Variants in SLC35F3 observed in about 807,000 individuals in gnomAD.
The protein encoded by SLC35F3 is putative thiamine transporter SLC35F3.
Under a neutral mutation model 49.9 loss-of-function variants are expected in SLC35F3, and 25 were observed. That is an observed-to-expected ratio of 0.50 (90% CI 0.37 to 0.70). The LOEUF is 0.70. Ranked by LOEUF, SLC35F3 falls within the 30% of genes least tolerant of loss-of-function variation. SLC35F3 has a pLI of 0.00. For synonymous variants in SLC35F3, 275 were observed against 265.4 expected, an observed-to-expected ratio of 1.04 and a Z score of -0.35; for missense variants, 525 against 639.8, an observed-to-expected ratio of 0.82 and a Z score of 1.94.
intron 3 of SLC35F3, among the ~76,000 whole-genome samples, chr1:234,264,600 G>A (rs1301534587): frequency 6.6e-6 from 1 of 152,160 alleles, no homozygotes; most frequent in African/African-American, 2.4e-5. Context: ...ATGCTGGAGT[G>A]GAGTGGCATG....
At chr1:234,299,534 G>A (rs1017882866) in intron 3 of SLC35F3, among the ~76,000 whole-genome samples, 1 of 152,122 alleles carries the variant, frequency 6.6e-6, no homozygotes, top group African/African-American at 2.4e-5. Flanking sequence ...GGCCAGGCGT[G>A]GTGGCTCACA....
chr1:233,993,251 G>A (rs1390564097), intron 2 of SLC35F3, among the ~76,000 whole-genome samples: 2 of 152,148 alleles, frequency 1.3e-5, no homozygotes, highest in East Asian at 3.9e-4. Flanking sequence ...ACAGATGTGA[G>A]CCACCGTGAC....
chr1:234,115,275 C>A (rs1665469447), intron 2 of SLC35F3, among the ~76,000 whole-genome samples: 1 of 152,150 alleles, frequency 6.6e-6, no homozygotes, highest in Non-Finnish European at 1.5e-5. Context: ...AATATTGCTG[C>A]CCCTTTTACT....
chr1:234,119,637 C>T (rs900000809), intron 2 of SLC35F3, among the ~76,000 whole-genome samples: 1 of 152,074 alleles, frequency 6.6e-6, no homozygotes, highest in African/African-American at 2.4e-5. Context: ...GATAATTGCT[C>T]CCATGCATCC....
intron 2 of SLC35F3, among the ~76,000 whole-genome samples, chr1:233,924,337 A>G (rs1473427319): frequency 1.3e-5 from 2 of 152,198 alleles, no homozygotes; most frequent in African/African-American, 2.4e-5. Flanking sequence ...TTATTGGTCT[A>G]TTCAGGGATT....
chr1:234,293,356 G>A lies in SLC35F3; in HGVS notation c.609-15745G>A, dbSNP rs151331646. On this transcript the variant is annotated intron_variant, in intron 3 of 7. Coordinates refer to ENST00000366618, the MANE Select transcript of SLC35F3 (RefSeq NM_173508.4). The stretch of plus-strand genomic sequence containing the variant: ...TCTAGGAGGCGAGGAACTGAGAGCC[G>A]GAGCTCAGCTGTACCCAGGAGCTTT... Among the ~76,000 whole-genome samples, 362 of 152,316 alleles carry A rather than the reference G, an allele frequency of 2.4e-3. 1 individual carries two copies. The highest frequency in any genetic ancestry group is 0.017 in the Middle Eastern group (5 of 294).
intron 3 of SLC35F3, among the ~76,000 whole-genome samples, chr1:234,291,591 C>T (rs1225954323): frequency 6.6e-6 from 1 of 152,114 alleles, no homozygotes; most frequent in Non-Finnish European, 1.5e-5. Context: ...CACGTACCAC[C>T]ACAAGTGGCT....
intron 3 of SLC35F3, among the ~76,000 whole-genome samples, chr1:234,290,828 A>AG (rs1668495565): frequency 6.6e-6 from 1 of 152,208 alleles, no homozygotes; most frequent in African/African-American, 2.4e-5. Flanking sequence ...AAAGAACCTG[A>AG]GGGTTCTTTC....
At chr1:234,205,440 AAC>A (rs1666955493) in intron 2 of SLC35F3, among the ~76,000 whole-genome samples, 2 of 152,238 alleles carry the variant, frequency 1.3e-5, no homozygotes, top group South Asian at 2.1e-4. Context: ...CAGCCTGGGC[AAC>A]AGAGTGAGAC....
chr1:234,093,051 TAG>T (rs1665066698), intron 2 of SLC35F3, among the ~76,000 whole-genome samples: 1 of 152,234 alleles, frequency 6.6e-6, no homozygotes, highest in Admixed American at 6.5e-5. Flanking sequence ...CTTTGCCACA[TAG>T]AGTGTCTGGA....
At chr1:234,256,617 A>C (rs556576254) in intron 3 of SLC35F3, among the ~76,000 whole-genome samples, 2 of 152,282 alleles carry the variant, frequency 1.3e-5, no homozygotes, top group South Asian at 4.2e-4. Flanking sequence ...TCTATGAATG[A>C]TGTGCATGAG....
At chr1:234,098,666 G>A (rs943340284) in intron 2 of SLC35F3, among the ~76,000 whole-genome samples, 16 of 149,354 alleles carry the variant, frequency 1.1e-4, no homozygotes, top group Non-Finnish European at 2.2e-4. Context: ...TGGTAGTGAC[G>A]GTGTTATAGG....
rs557465254 is a variant in SLC35F3, at chr1:234,132,370, A to G, written c.284-99047A>G. On this transcript the variant is annotated intron_variant, in intron 2 of 7. Coordinates refer to ENST00000366618, the MANE Select transcript of SLC35F3 (RefSeq NM_173508.4). The stretch of plus-strand genomic sequence containing the variant: ...CAATGTACAATAAGCACTAGTATAC[A>G]TCCATAATTAGTTTCCTAAGATAAT... Among the ~76,000 whole-genome samples, 165 of 152,346 alleles carry G rather than the reference A, an allele frequency of 1.1e-3. 1 individual carries two copies. In the South Asian group the frequency reaches 0.016, roughly 14 times the overall value.
chr1:234,197,239 C>A (rs1002779974), intron 2 of SLC35F3, among the ~76,000 whole-genome samples: 1 of 152,106 alleles, frequency 6.6e-6, no homozygotes, highest in Non-Finnish European at 1.5e-5. Context: ...AGACAGGGAC[C>A]CTATCATGAG....
At chr1:233,999,765 A>G (rs751348917) in intron 2 of SLC35F3, among the ~76,000 whole-genome samples, 9 of 152,078 alleles carry the variant, frequency 5.9e-5, no homozygotes, top group Non-Finnish European at 1.0e-4. Flanking sequence ...GCTACCTTAC[A>G]GTGTATTTAT....
At chr1:234,191,210 T>A (rs1297213070) in intron 2 of SLC35F3, among the ~76,000 whole-genome samples, 1 of 152,116 alleles carries the variant, frequency 6.6e-6, no homozygotes, top group Non-Finnish European at 1.5e-5. Context: ...AAAACAAGTC[T>A]CAATAAATTT....
At chr1:234,268,583 T>G (rs567370742) in intron 3 of SLC35F3, 1 of 152,196 alleles carries the variant, frequency 6.6e-6, no homozygotes, top group Admixed American at 6.5e-5. Context: ...AAAAGAATGA[T>G]AGCAGCAGCA....
At chr1:234,155,780 AC>A (rs924197462) in intron 2 of SLC35F3, among the ~76,000 whole-genome samples, 2 of 142,910 alleles carry the variant, frequency 1.4e-5, no homozygotes, top group African/African-American at 2.6e-5. Context: ...CACACAATAT[AC>A]CAAAAAAAAA....
rs1371155059 is a variant in SLC35F3, at chr1:234,320,288, A to G, written c.1237+101A>G. ...CTCATGCATACATACACACTCACAC[A>G]TACACTCACATACACACACTCATGC... On this transcript the variant is annotated intron_variant, in intron 7 of 7. Coordinates refer to ENST00000366618, the MANE Select transcript of SLC35F3 (RefSeq NM_173508.4). The surrounding 1 kb of genome is among the most constrained non-coding windows in gnomAD (Gnocchi z 4.8). The G allele has an allele frequency of 3.9e-6, 3 of 761,480 alleles. No individual in the cohort carries two copies. Among genetic ancestry groups the G allele is most frequent in the Non-Finnish European group, 7.0e-6 (3 of 426,702 alleles). The allele number at this position is 761,480 out of a possible 1,614,324, so 47.2% of individuals were successfully genotyped here. A position where few individuals can be genotyped will look rare whatever the true frequency, so the allele number is the denominator to read the frequency against.
Sources: gnomAD v4.1 joint callset for allele counts (sites outside exome capture counted in the v4.1 genomes callset) on GRCh38, gnomAD v4.1.1 for gene constraint, Gnocchi (gnomAD v3.1) non-coding constraint, MANE v1.5 for transcripts, NCBI Gene and HGNC (gene_info 2026-07-23, HGNC 2026-07-21) for gene names.